The following CNGA1 variants were observed in gnomAD, a reference collection of about 807,000 sequenced individuals.
CNGA1 encodes cyclic nucleotide-gated channel alpha-1.
Under a neutral mutation model 69.7 loss-of-function variants are expected in CNGA1, and 53 were observed. The ratio of observed to expected loss-of-function variants is 0.76; its 90% CI spans 0.61 to 0.96. The LOEUF is 0.96. Ranked by LOEUF, CNGA1 falls within the 40% of genes least tolerant of loss-of-function variation. The probability of loss-of-function intolerance (pLI) is 0.00; values close to 1 mark genes in which losing one functional copy is unlikely to be tolerated. For missense variants in CNGA1, 739 were observed against 811.2 expected (o/e 0.91, Z 1.08); for synonymous variants, 249 against 283.5 (o/e 0.88, Z 1.22).
intron 3 of CNGA1, among the ~76,000 whole-genome samples, chr4:47,958,129 C>A (rs1477640949): frequency 6.6e-6 from 1 of 151,956 alleles, no homozygotes; most frequent in Non-Finnish European, 1.5e-5. Flanking sequence ...CTCCTGACCT[C>A]GTGATCCACC....
chr4:47,960,072 C>T (rs1740339095), intron 3 of CNGA1, among the ~76,000 whole-genome samples: 1 of 152,046 alleles, frequency 6.6e-6, no homozygotes, highest in African/African-American at 2.4e-5. Flanking sequence ...TGCAAATCAA[C>T]CATAAAAACA....
chr4:47,936,592 T>C lies in CNGA1; in HGVS notation c.1890A>G (p.Val630=), dbSNP rs1232775484. 1.9e-6 allele frequency: 3 copies of C among 1,614,210 alleles called. No individual in the cohort carries two copies. The highest frequency in any genetic ancestry group is 2.5e-6 in the Non-Finnish European group (3 of 1,180,026). ...GGGCAAACCTGGTTTGCAGGAGGTCTACTGACCCCTCCATTCGAGTAACCT... is the reference window on the plus strand; with the variant it reads ...GGGCAAACCTGGTTTGCAGGAGGTCCACTGACCCCTCCATTCGAGTAACCT... ...EEKVTRMEGS[V]DLLQTRFARI... is the part of the protein sequence containing the mutation. The change falls in exon 11 of 11, where the codon GTA becomes GTG. Residue 630 remains valine (V), a synonymous_variant. Transcript: ENST00000514170.
At chr4:47,948,304 C>T (rs577309102) in intron 6 of CNGA1, among the ~76,000 whole-genome samples, 10 of 152,246 alleles carry the variant, frequency 6.6e-5, no homozygotes, top group Middle Eastern at 3.4e-3. Context: ...GAAACCACAG[C>T]TGAAGTGCTA....
chr4:47,963,641 C>T (rs1385908185), intron 3 of CNGA1, among the ~76,000 whole-genome samples: 3 of 152,160 alleles, frequency 2.0e-5, no homozygotes, highest in South Asian at 2.1e-4. Flanking sequence ...TTTATTCTAT[C>T]AGTTTAATAA....
intron 2 of CNGA1, among the ~76,000 whole-genome samples, chr4:48,007,055 A>G (rs1460113185): frequency 1.7e-4 from 25 of 148,324 alleles, no homozygotes; most frequent in African/African-American, 4.2e-4. Flanking sequence ...CAAGGGTTTG[A>G]AAAAAAAAAA....
At chr4:48,015,899 C>G (rs1041817176) in intron 1 of CNGA1, among the ~76,000 whole-genome samples, 1 of 152,128 alleles carries the variant, frequency 6.6e-6, no homozygotes, top group Non-Finnish European at 1.5e-5. Context: ...GCCAGCCCTG[C>G]CCACTCCTTG....
rs370261914 is a variant in CNGA1, at chr4:47,937,447, G to A, written c.1035C>T (p.Tyr345=). 35 of 1,614,026 alleles carry A rather than the reference G, an allele frequency of 2.2e-5. No homozygotes were observed. Among genetic ancestry groups the A allele is most frequent in the Admixed American group, 8.3e-5 (5 of 60,012 alleles). The change falls in exon 11 of 11, where the codon TAC becomes TAT. Residue 345 remains tyrosine (Y), a synonymous_variant. Coordinates refer to ENST00000514170, the MANE Select transcript of CNGA1 (RefSeq NM_001379270.1). ...GTGTAGACCAGTAAAGGCTGTATAC[G>A]TATTTTCTAGCCAAACGGCCAAATT... ...DPEFGRLARK[Y]VYSLYWSTLT...
At chr4:47,979,060 C>T (rs1741562831) in intron 3 of CNGA1, among the ~76,000 whole-genome samples, 1 of 152,072 alleles carries the variant, frequency 6.6e-6, no homozygotes, top group African/African-American at 2.4e-5. Context: ...GTGGCTCACA[C>T]CTGTAATCCC....
At chr4:47,984,077 T>G (rs1297751820) in intron 2 of CNGA1, among the ~76,000 whole-genome samples, 1 of 152,238 alleles carries the variant, frequency 6.6e-6, no homozygotes, top group Non-Finnish European at 1.5e-5. Flanking sequence ...TAGGCCTATC[T>G]GACTTCAGAG....
At position 47,976,220 on chromosome 4, in the gene CNGA1, CAT is replaced by C. The variant is rs1230676045; in HGVS notation, c.-15+5171_-15+5172del. On this transcript the variant is annotated intron_variant, in intron 3 of 10. Coordinates refer to ENST00000514170, the MANE Select transcript of CNGA1 (RefSeq NM_001379270.1). ...ATATGTATATATATATATACACATA[CAT>C]ATATATATACATATATATGTATATA... 1.5e-3 allele frequency among the ~76,000 whole-genome samples: 78 copies of C among 53,432 alleles called. 5 individuals carry two copies. Among genetic ancestry groups the C allele is most frequent in the African/African-American group, 4.1e-3 (24 of 5,864 alleles). 35.1% of individuals were successfully genotyped at this position (53,432 alleles called of 152,430 possible). A position where few individuals can be genotyped will look rare whatever the true frequency, so the allele number is the denominator to read the frequency against.
intron 3 of CNGA1, among the ~76,000 whole-genome samples, chr4:47,969,787 A>G (rs1676882956): frequency 6.6e-6 from 1 of 152,100 alleles, no homozygotes; most frequent in South Asian, 2.1e-4. Flanking sequence ...AGATTTTAAA[A>G]AAACTGCTTG....
intron 2 of CNGA1, among the ~76,000 whole-genome samples, chr4:47,990,378 G>A (rs1049451820): frequency 5.9e-5 from 9 of 152,076 alleles, no homozygotes; most frequent in Non-Finnish European, 1.0e-4. Context: ...TGAGATAAGG[G>A]CTGAAATACG....
Position 48,016,625 on chromosome 4 carries a change from C to T in CNGA1, c.-365G>A. On this transcript the variant is annotated 5_prime_UTR_variant, in exon 1 of 11. Transcript: ENST00000514170. ...CAGTTATCACAGGCCGCTCCCAGGC[C>T]TGCGGGGGCCCTGAGAATTCGCAAC... 7.3e-6 allele frequency: 4 copies of T among 546,148 alleles called. No individual in the cohort carries two copies. The highest frequency in any genetic ancestry group is 1.3e-5 in the Non-Finnish European group (4 of 314,132). 33.8% of individuals were successfully genotyped at this position (546,148 alleles called of 1,614,324 possible).
At chr4:47,951,917 G>A (rs1285945476) in intron 4 of CNGA1, among the ~76,000 whole-genome samples, 1 of 152,114 alleles carries the variant, frequency 6.6e-6, no homozygotes, top group Non-Finnish European at 1.5e-5. Flanking sequence ...CACATTGCTA[G>A]CATTTCATAC....
At chr4:47,959,721 A>G (rs1017050532) in intron 3 of CNGA1, among the ~76,000 whole-genome samples, 7 of 152,160 alleles carry the variant, frequency 4.6e-5, no homozygotes, top group Non-Finnish European at 1.5e-5. Flanking sequence ...ATCTTGCCTC[A>G]GTCACCAGAG....
At chr4:47,976,355 G>T (rs1230419838) in intron 3 of CNGA1, among the ~76,000 whole-genome samples, 1 of 135,348 alleles carries the variant, frequency 7.4e-6, no homozygotes, top group Non-Finnish European at 1.6e-5. Context: ...ATATATATAT[G>T]TATATGTGTT....
intron 2 of CNGA1, among the ~76,000 whole-genome samples, chr4:47,999,824 T>C (rs1449295673): frequency 1.3e-5 from 2 of 152,150 alleles, no homozygotes; most frequent in Non-Finnish European, 2.9e-5. Context: ...TGAGCCAAGA[T>C]CATGCTCCTG....
At chr4:47,975,008 T>G (rs55896433) in intron 3 of CNGA1, among the ~76,000 whole-genome samples, 80,559 of 151,950 alleles carry the variant, frequency 0.53, 23,100 homozygotes, top group Non-Finnish European at 0.64. Flanking sequence ...CAATATTGAA[T>G]GCTGTTTGTG....
chr4:47,956,157 G>T (rs1163600585), intron 3 of CNGA1, among the ~76,000 whole-genome samples: 1 of 152,212 alleles, frequency 6.6e-6, no homozygotes, highest in Non-Finnish European at 1.5e-5. Flanking sequence ...AAATGCATTT[G>T]TATGAGATTT....
Sources: gnomAD v4.1 joint callset for allele counts (sites outside exome capture counted in the v4.1 genomes callset) on GRCh38, gnomAD v4.1.1 for gene constraint, MANE v1.5 for transcripts, NCBI Gene and HGNC (gene_info 2026-07-23, HGNC 2026-07-21) for gene names.